TGM5: variants seen among roughly 807,000 people sequenced by gnomAD.
The protein encoded by TGM5 is protein-glutamine gamma-glutamyltransferase 5.
In TGM5, 69 loss-of-function variants were observed where a neutral mutation model predicts 77.2. The observed-to-expected ratio is 0.89, with a 90% CI of 0.74 to 1.09. The LOEUF is 1.09. Among genes scored for constraint, TGM5 ranks in the 50% least tolerant of loss-of-function variants. The pLI is 0.00. For missense variants in TGM5, 842 were observed against 896.5 expected (o/e 0.94, Z 0.78); for synonymous variants, 346 against 351.8 (o/e 0.98, Z 0.18).
Position 43,260,463 on chromosome 15 carries a change from G to A in TGM5, c.127C>T (p.Leu43=), listed in dbSNP as rs1016291082. Residue 43 remains leucine, a synonymous_variant, in exon 2 of 13, where the codon CTG becomes TTG. Transcript: ENST00000220420. ...VRRGQAFNLT[L]YFRNRSFQPG... ...TGGAAGCTCCGGTTCCTGAAGTACA[G>A]GGTGAGGTTGAAGGCCTGGCCCCGG... The A allele has an allele frequency of 8.1e-6, 13 of 1,614,098 alleles. No individual in the cohort carries two copies. In the Admixed American group the frequency reaches 1.5e-4, roughly 19 times the overall value.
At position 43,245,211 on chromosome 15, in the gene TGM5, T is replaced by C. The variant is rs143727618; in HGVS notation, c.863-4221A>G. The stretch of plus-strand genomic sequence containing the variant: ...AAAGTTAGAGTTCAATTTATTGAAA[T>C]GCATTCAGTTAGCTTTACTGCCACA... On this transcript the variant is annotated intron_variant, in intron 6 of 12. Coordinates refer to ENST00000220420, the MANE Select transcript of TGM5 (RefSeq NM_201631.4). Among the ~76,000 whole-genome samples, 731 of 152,288 alleles carry C rather than the reference T, an allele frequency of 4.8e-3. 5 individuals are homozygous for C. Among genetic ancestry groups the C allele is most frequent in the African/African-American group, 0.017 (692 of 41,556 alleles).
intron 9 of TGM5, among the ~76,000 whole-genome samples, chr15:43,236,593 A>G (rs990993660): frequency 6.6e-6 from 1 of 152,210 alleles, no homozygotes; most frequent in African/African-American, 2.4e-5. Context: ...GGCAGAGGCC[A>G]CTTTTATCCC....
intron 7 of TGM5, 134 bp from the exon 8 acceptor site, chr15:43,239,400 A>G: frequency 1.2e-6 from 1 of 868,030 alleles, no homozygotes; most frequent in Non-Finnish European, 1.9e-6. Context: ...CTCTGTGGAT[A>G]GCCAGGCACG....
intron 6 of TGM5, among the ~76,000 whole-genome samples, chr15:43,248,401 T>G (rs2042682762): frequency 6.6e-6 from 1 of 152,202 alleles, no homozygotes; most frequent in Admixed American, 6.5e-5. Context: ...CTCGATCTCC[T>G]GACCTGGTGA....
chr15:43,235,044 G>C (rs1159896824), intron 10 of TGM5, 115 bp from the exon 11 acceptor site: 11 of 1,316,404 alleles, frequency 8.4e-6, no homozygotes, highest in African/African-American at 7.3e-5. Flanking sequence ...CCAAATCCCA[G>C]GGAAGCAGGT....
rs377328572 is a variant in TGM5, at chr15:43,240,941, A to G, written c.912T>C (p.Ser304=). ...TCAGGTTTCCATCTGTATCGTGGCC[A>G]GAGTCGAAGTTGGTGATCACACGGG... ...IPTRVITNFD[S]GHDTDGNLII... Residue 304 remains serine (S), a synonymous_variant, in exon 7 of 13, where the codon TCT becomes TCC. Coordinates refer to ENST00000220420, the MANE Select transcript of TGM5 (RefSeq NM_201631.4). 3.1e-6 allele frequency: 5 copies of G among 1,614,072 alleles called. No homozygotes were observed. The highest frequency in any genetic ancestry group is 4.2e-6 in the Non-Finnish European group (5 of 1,180,040).
At chr15:43,243,090 C>T (rs891146848) in intron 6 of TGM5, among the ~76,000 whole-genome samples, 8 of 152,212 alleles carry the variant, frequency 5.3e-5, no homozygotes, top group African/African-American at 1.9e-4. Context: ...CACTTTCCCA[C>T]CCTAACACAG....
At position 43,239,227 on chromosome 15, in the gene TGM5, C is replaced by T; in HGVS notation, c.1041G>A (p.Lys347=). The change falls in exon 8 of 13, where the codon AAG becomes AAA. Residue 347 remains lysine, a synonymous_variant. Transcript: ENST00000220420. The part of the protein sequence containing the change: ...HVWNECWMAR[K]DLPPAYGGWQ... ...AGCCTCCATATGCAGGGGGCAGATC[C>T]TTCCGGGCCATCCAGCACTCATTCC... The T allele has an allele frequency of 6.2e-7, 1 of 1,614,160 alleles. No homozygotes were observed. Among genetic ancestry groups the T allele is most frequent in the Non-Finnish European group, 8.5e-7 (1 of 1,180,022 alleles).
chr15:43,247,707 A>G (rs2042678188), intron 6 of TGM5: 1 of 152,078 alleles, frequency 6.6e-6, no homozygotes, highest in Non-Finnish European at 1.5e-5. Context: ...TGGTGTTTAC[A>G]ACTAATTCAT....
chr15:43,233,242 C>T lies in TGM5; in HGVS notation c.2112G>A (p.Lys704=), dbSNP rs764137047. The T allele has an allele frequency of 7.6e-5, 122 of 1,614,104 alleles. 1 individual carries two copies. Among genetic ancestry groups the T allele is most frequent in the Non-Finnish European group, 8.5e-7 (1 of 1,180,048 alleles). ...TCCTGTAACCCTTAATGTCCTTAAA[C>T]TTGTTGCTTCTCATATTAGCTTGGA... The part of the protein sequence containing the change: ...RQIQANMRSN[K]FKDIKGYRNV... Residue 704 remains lysine, a synonymous_variant, in exon 13 of 13, where the codon AAG becomes AAA. Transcript: ENST00000220420.
chr15:43,264,946 A>G (rs2042814751), intron 1 of TGM5, among the ~76,000 whole-genome samples: 1 of 152,244 alleles, frequency 6.6e-6, no homozygotes, highest in African/African-American at 2.4e-5. Flanking sequence ...AAGCATAATG[A>G]TCAGCATATT....
intron 1 of TGM5, among the ~76,000 whole-genome samples, chr15:43,265,307 C>T (rs1204629637): frequency 6.6e-6 from 1 of 152,188 alleles, no homozygotes; most frequent in Non-Finnish European, 1.5e-5. Context: ...AAAAAAATGT[C>T]CACACCCACT....
intron 6 of TGM5, among the ~76,000 whole-genome samples, chr15:43,249,002 G>T (rs971849679): frequency 6.6e-6 from 1 of 152,106 alleles, no homozygotes; most frequent in Non-Finnish European, 1.5e-5. Context: ...TAGTTTAAGA[G>T]GGCCCAGTCC....
intron 6 of TGM5, among the ~76,000 whole-genome samples, chr15:43,251,631 G>T (rs1039641867): frequency 6.6e-6 from 1 of 152,152 alleles, no homozygotes; most frequent in Admixed American, 6.5e-5. Context: ...ATCAGAATGC[G>T]CAAGCCAAGA....
At chr15:43,236,524 T>C (rs1257110790) in intron 9 of TGM5, among the ~76,000 whole-genome samples, 1 of 152,132 alleles carries the variant, frequency 6.6e-6, no homozygotes, top group East Asian at 1.9e-4. Context: ...TTTTGTTGAG[T>C]ACTTACTATC....
rs1489296011 is a variant in TGM5 at position 43,233,687 on chromosome 15, C to T, written c.1876G>A (p.Val626Ile). The change falls in exon 12 of 13, where the codon GTT becomes ATT. Residue 626 changes from valine (V) to isoleucine (I), a missense_variant and splice_region_variant. Physicochemically the swap from Val to Ile is conservative, Grantham distance 29 (BLOSUM62 3). Coordinates refer to ENST00000220420, the MANE Select transcript of TGM5 (RefSeq NM_201631.4). The stretch of plus-strand genomic sequence containing the variant: ...TGGTTCACAACGGCTGCTCCTAGAA[C>T]CTAAACAGACCAGGAGGGGAAGGAG... Reference protein sequence around the residue: ...TLSYPSITINVLGAAVVNQPL... With the variant: ...TLSYPSITINILGAAVVNQPL... 2 of 1,614,050 alleles carry T rather than the reference C, an allele frequency of 1.2e-6. No individual in the cohort carries two copies. Among genetic ancestry groups the T allele is most frequent in the Admixed American group, 1.7e-5 (1 of 60,014 alleles).
intron 6 of TGM5, among the ~76,000 whole-genome samples, chr15:43,246,979 G>A (rs552557453): frequency 5.3e-5 from 8 of 152,064 alleles, no homozygotes; most frequent in South Asian, 2.1e-4. Flanking sequence ...CCAACATGGC[G>A]AAACCCTGCC....
At position 43,253,598 on chromosome 15, in the gene TGM5, G is replaced by C. The variant is rs746736027; in HGVS notation, c.592C>G (p.Leu198Val). Reference sequence around the variant, plus strand: ...GTCTGGAAGTGCAGGCTCTTGTCTAGCAGCTTCAGGCAGATGTCTATGATT... The same window carrying C: ...GTCTGGAAGTGCAGGCTCTTGTCTACCAGCTTCAGGCAGATGTCTATGATT... ...DKIIDICLKL[L>V]DKSLHFQTDP... is the part of the protein sequence containing the mutation. The change falls in exon 5 of 13, where the codon CTA becomes GTA. Residue 198 changes from leucine to valine, a missense_variant. By Grantham distance (32) the Leu-to-Val change is conservative (BLOSUM62 1). Transcript: ENST00000220420. 1 of 1,613,764 alleles carries C rather than the reference G, an allele frequency of 6.2e-7. No homozygotes were observed. Among genetic ancestry groups the C allele is most frequent in the Admixed American group, 1.7e-5 (1 of 60,028 alleles).
At chr15:43,253,472 C>T in intron 5 of TGM5, 34 bp downstream of exon 5, 1 of 1,606,926 alleles carries the variant, frequency 6.2e-7, no homozygotes, top group Non-Finnish European at 8.5e-7. Flanking sequence ...CGCTGCACAG[C>T]TTCCTCCCTC....
Sources: gnomAD v4.1 joint callset for allele counts (sites outside exome capture counted in the v4.1 genomes callset) on GRCh38, gnomAD v4.1.1 for gene constraint, MANE v1.5 for transcripts, NCBI Gene and HGNC (gene_info 2026-07-23, HGNC 2026-07-21) for gene names.